CLVS1: variants seen among roughly 807,000 people sequenced by gnomAD.
CLVS1 encodes clavesin 1.
A neutral mutation model predicts 33.1 loss-of-function variants in CLVS1; 10 were observed. The ratio of observed to expected loss-of-function variants is 0.30; its 90% confidence interval spans 0.19 to 0.51. CLVS1 has a LOEUF of 0.51. Ranked by LOEUF, CLVS1 falls within the 20% of genes least tolerant of loss-of-function variation. The probability of loss-of-function intolerance (pLI) is 0.97; values close to 1 mark genes in which losing one functional copy is unlikely to be tolerated. For synonymous variants in CLVS1, 163 were observed against 166.1 expected (o/e 0.98, Z 0.14); for missense variants, 343 against 433.4 (o/e 0.79, Z 1.85).
intron 2 of CLVS1, among the ~76,000 whole-genome samples, chr8:61,173,309 C>G (rs1807045478): frequency 6.6e-6 from 1 of 152,110 alleles, no homozygotes; most frequent in Non-Finnish European, 1.5e-5. Flanking sequence ...GAATGAATCA[C>G]TCTTTTATTT....
At chr8:61,039,734 C>A in the CLVS1 span, among the ~76,000 whole-genome samples, 1 of 152,110 alleles carries the variant, frequency 6.6e-6, no homozygotes, top group East Asian at 1.9e-4. Context: ...GAGACAGGGT[C>A]CCCCTATGTT....
intron 2 of CLVS1, among the ~76,000 whole-genome samples, chr8:61,217,047 C>T (rs535764613): frequency 3.9e-5 from 6 of 152,142 alleles, no homozygotes; most frequent in Non-Finnish European, 8.8e-5. Flanking sequence ...TTCTAAAATA[C>T]AATTTTAATG....
intron 2 of CLVS1, among the ~76,000 whole-genome samples, chr8:61,167,244 G>C (rs1806889101): frequency 3.3e-5 from 5 of 149,962 alleles, no homozygotes; most frequent in African/African-American, 1.2e-4. Context: ...GCCCAGGCTG[G>C]AGTGCAATGG....
intron 2 of CLVS1, among the ~76,000 whole-genome samples, chr8:61,271,035 G>C (rs2129592708): frequency 6.9e-6 from 1 of 144,986 alleles, no homozygotes; most frequent in Middle Eastern, 3.7e-3. Context: ...TCTGATTTTA[G>C]TTATTTCTTG....
At chr8:61,011,002 C>G in the CLVS1 span, among the ~76,000 whole-genome samples, 9 of 152,256 alleles carry the variant, frequency 5.9e-5, no homozygotes, top group Non-Finnish European at 1.3e-4. Context: ...AAGAGTCCCC[C>G]GTATCTGTTA....
intron 3 of CLVS1, among the ~76,000 whole-genome samples, chr8:61,425,483 A>T (rs56831011): frequency 0.02 from 3,026 of 152,272 alleles, 93 homozygotes; most frequent in African/African-American, 0.068. Context: ...AAATTCACCC[A>T]TTTAAAGTGC....
At chr8:61,142,009 C>T (rs1306164908) in intron 2 of CLVS1, among the ~76,000 whole-genome samples, 4 of 152,200 alleles carry the variant, frequency 2.6e-5, no homozygotes, top group African/African-American at 9.6e-5. Flanking sequence ...TTATACAGCA[C>T]AGTTTTTCTT....
At chr8:61,251,460 A>G (rs193148273) in intron 2 of CLVS1, among the ~76,000 whole-genome samples, 6 of 152,078 alleles carry the variant, frequency 3.9e-5, no homozygotes, top group South Asian at 2.1e-4. Flanking sequence ...CTGTTTTTCT[A>G]TTGTTTGGAA....
chr8:61,356,895 G>A (rs1403345079), intron 2 of CLVS1, among the ~76,000 whole-genome samples: 11 of 152,220 alleles, frequency 7.2e-5, no homozygotes, highest in South Asian at 2.1e-4. Context: ...TTGGCAATGC[G>A]GGCTCTTTTT....
chr8:61,474,327 A>C (rs1396307918), intron 5 of CLVS1, among the ~76,000 whole-genome samples: 1 of 152,208 alleles, frequency 6.6e-6, no homozygotes, highest in Non-Finnish European at 1.5e-5. Context: ...TGAAAGTCAT[A>C]GGAAGCCTTC....
At chr8:61,476,019 A>G (rs1817913373) in intron 5 of CLVS1, among the ~76,000 whole-genome samples, 1 of 152,232 alleles carries the variant, frequency 6.6e-6, no homozygotes, top group Admixed American at 6.5e-5. Flanking sequence ...ACATATGGCT[A>G]GCCAGTTTTC....
rs77866859 is a variant in CLVS1 at position 61,175,069 on chromosome 8, T to C, written c.-152+43209T>C. ...TCTAATAGTGACTCTACTTAGTAAG[T>C]CATAGATAGGTGTTGTGAGTTGAAC... On this transcript the variant is annotated intron_variant, in intron 2 of 2. Transcript: ENST00000522621. 1.3e-3 allele frequency among the ~76,000 whole-genome samples: 204 copies of C among 152,314 alleles called. 1 individual carries two copies. The highest frequency in any genetic ancestry group is 4.6e-3 in the African/African-American group (193 of 41,556).
At chr8:61,430,848 G>A (rs1406185240) in intron 3 of CLVS1, among the ~76,000 whole-genome samples, 2 of 152,164 alleles carry the variant, frequency 1.3e-5, no homozygotes, top group Non-Finnish European at 2.9e-5. Flanking sequence ...CTCCTCAGGA[G>A]GTTCAGTTCT....
intron 1 of CLVS1, among the ~76,000 whole-genome samples, chr8:61,124,555 A>G (rs1805937308): frequency 6.6e-6 from 1 of 152,140 alleles, no homozygotes; most frequent in South Asian, 2.1e-4. Context: ...TTGACTATTT[A>G]CTAAACCACA....
chr8:61,438,239 T>C (rs998699139), intron 3 of CLVS1, among the ~76,000 whole-genome samples: 3 of 152,216 alleles, frequency 2.0e-5, no homozygotes, highest in Non-Finnish European at 4.4e-5. Context: ...CTATGTGTTC[T>C]CATTGTTCAG....
At chr8:61,234,159 C>T (rs7844862) in intron 2 of CLVS1, among the ~76,000 whole-genome samples, 32,904 of 151,990 alleles carry the variant, frequency 0.22, 6,184 homozygotes, top group East Asian at 0.68. Context: ...AGACCACCGG[C>T]GTTAGGGGGT....
chr8:61,224,757 A>C (rs1274383138), intron 2 of CLVS1, among the ~76,000 whole-genome samples: 1 of 152,248 alleles, frequency 6.6e-6, no homozygotes, highest in Non-Finnish European at 1.5e-5. Context: ...AAACAAGGGC[A>C]TTACATAATG....
At chr8:61,169,238 A>G (rs1461777505) in intron 2 of CLVS1, among the ~76,000 whole-genome samples, 3 of 152,224 alleles carry the variant, frequency 2.0e-5, no homozygotes, top group South Asian at 4.1e-4. Flanking sequence ...GTGCTTTGGC[A>G]TACTTTCAAT....
intron 2 of CLVS1, among the ~76,000 whole-genome samples, chr8:61,271,220 G>T (rs1809430775): frequency 6.7e-6 from 1 of 149,612 alleles, no homozygotes; most frequent in Non-Finnish European, 1.5e-5. Context: ...TTGTGTCTTT[G>T]TTCTTGTTGG....
Sources: allele counts gnomAD v4.1 joint callset (sites outside exome capture counted in the v4.1 genomes callset), GRCh38; gene constraint gnomAD v4.1.1; transcripts MANE v1.5; gene names NCBI Gene and HGNC (gene_info 2026-07-23, HGNC 2026-07-21).